ADAMTS14: variants seen among roughly 807,000 people sequenced by gnomAD.
ADAMTS14 encodes the protein A disintegrin and metalloproteinase with thrombospondin motifs 14.
A neutral mutation model predicts 128.6 loss-of-function variants in ADAMTS14; 100 were observed. The ratio of observed to expected loss-of-function variants is 0.78; its 90% CI spans 0.66 to 0.92. The LOEUF is 0.92. ADAMTS14 is among the 40% of genes least tolerant of loss of function. ADAMTS14 has a pLI of 0.00. For synonymous variants in ADAMTS14, 665 were observed against 653.8 expected, an observed-to-expected ratio of 1.02 and a Z score of -0.26; for missense variants, 1,562 against 1,658.6, an observed-to-expected ratio of 0.94 and a Z score of 1.01.
chr10:70,692,204 G>A (rs1310647225), intron 2 of ADAMTS14, among the ~76,000 whole-genome samples: 2 of 152,134 alleles, frequency 1.3e-5, no homozygotes, highest in South Asian at 2.1e-4. Flanking sequence ...GTTGCCTCCT[G>A]GAAAGCCTAC....
chr10:70,744,218 C>G (rs372817361), intron 14 of ADAMTS14, 29 bp downstream of exon 14: 1 of 1,490,648 alleles, frequency 6.7e-7, no homozygotes, highest in Non-Finnish European at 9.0e-7. Flanking sequence ...GGGGGGATGA[C>G]GAGGGCTGAC....
intron 21 of ADAMTS14, 109 bp downstream of exon 21, chr10:70,758,394 A>G: frequency 1.1e-6 from 1 of 943,538 alleles, no homozygotes; most frequent in Non-Finnish European, 1.6e-6. Context: ...TGTCTGTGTG[A>G]CCTTCACCTC....
chr10:70,695,038 G>A (rs1177250821), intron 2 of ADAMTS14, among the ~76,000 whole-genome samples: 1 of 152,072 alleles, frequency 6.6e-6, no homozygotes, highest in Non-Finnish European at 1.5e-5. Flanking sequence ...AACCAACACT[G>A]GTTATCTGAC....
intron 9 of ADAMTS14, 22 bp downstream of exon 9, chr10:70,735,323 G>T (rs201655502): frequency 8.1e-6 from 13 of 1,612,118 alleles, no homozygotes; most frequent in Non-Finnish European, 1.1e-5. Context: ...TCTGGCCTCT[G>T]CCAGGTGGTT....
At chr10:70,727,325 C>T (rs1249799398) in intron 4 of ADAMTS14, among the ~76,000 whole-genome samples, 1 of 152,208 alleles carries the variant, frequency 6.6e-6, no homozygotes, top group Non-Finnish European at 1.5e-5. Context: ...TGCTATTACT[C>T]TTCTCCGTGT....
At chr10:70,738,399 A>G (rs1051936268) in intron 10 of ADAMTS14, among the ~76,000 whole-genome samples, 1 of 151,860 alleles carries the variant, frequency 6.6e-6, no homozygotes, top group East Asian at 1.9e-4. Context: ...GCATGCACAG[A>G]CCTCCCTGCA....
chr10:70,689,198 C>T lies in ADAMTS14; in HGVS notation c.523-13114C>T, dbSNP rs536293878. On this transcript the variant is annotated intron_variant, in intron 2 of 21. Coordinates refer to ENST00000373207, the MANE Select transcript of ADAMTS14 (RefSeq NM_080722.4). ...GTAAAATATGCCGTCCCCTAATCCA[C>T]GGCCACAGTTTTGGGGAAGCGGATC... 4.2e-5 allele frequency among the ~76,000 whole-genome samples: 6 copies of T among 144,438 alleles called. No homozygotes were observed. In the East Asian group the frequency reaches 5.9e-4, roughly 14 times the overall value. The allele number at this position is 144,438 out of a possible 152,430, so 94.8% of individuals were successfully genotyped here.
intron 19 of ADAMTS14, among the ~76,000 whole-genome samples, chr10:70,756,378 T>C (rs924482609): frequency 6.6e-6 from 1 of 152,214 alleles, no homozygotes; most frequent in Non-Finnish European, 1.5e-5. Context: ...TTTGTTTTGA[T>C]ATAAAACAGA....
intron 2 of ADAMTS14, among the ~76,000 whole-genome samples, chr10:70,698,332 C>T (rs376586250): frequency 4.8e-4 from 73 of 152,096 alleles, no homozygotes; most frequent in Admixed American, 2.9e-3. Context: ...AATTGAGAGA[C>T]GGGAGTACTT....
In ADAMTS14 at chr10:70,761,551, G is replaced by C. The variant is rs1204193261; in HGVS notation, c.*698G>C. On this transcript the variant is annotated 3_prime_UTR_variant, in exon 22 of 22. Coordinates refer to ENST00000373207, the MANE Select transcript of ADAMTS14 (RefSeq NM_080722.4). ...AGATGTCACTAGTGTTACTTCTAGT[G>C]ACTCCAGATTACAGACTGGCCCCCC... 1.3e-5 allele frequency: 2 copies of C among 152,186 alleles called. No individual in the cohort carries two copies. The highest frequency in any genetic ancestry group is 2.9e-5 in the Non-Finnish European group (2 of 68,048). 9.4% of individuals were successfully genotyped at this position (152,186 alleles called of 1,614,324 possible).
chr10:70,758,937 C>T (rs1481798203), intron 21 of ADAMTS14, among the ~76,000 whole-genome samples: 2 of 152,154 alleles, frequency 1.3e-5, no homozygotes, highest in Non-Finnish European at 2.9e-5. Flanking sequence ...TAGGTTCCAT[C>T]TCTCTTTTCC....
intron 2 of ADAMTS14, among the ~76,000 whole-genome samples, chr10:70,691,473 G>T (rs1840183442): frequency 9.1e-6 from 1 of 109,634 alleles, no homozygotes. Flanking sequence ...CCTGGGGACA[G>T]AGTGAGACCC....
intron 4 of ADAMTS14, among the ~76,000 whole-genome samples, chr10:70,722,050 G>A (rs1212942038): frequency 6.6e-6 from 1 of 152,210 alleles, no homozygotes; most frequent in Non-Finnish European, 1.5e-5. Flanking sequence ...CGAAGGCTGT[G>A]GTTGTGAAGC....
intron 2 of ADAMTS14, among the ~76,000 whole-genome samples, chr10:70,675,662 A>ATT (rs1839624560): frequency 6.6e-6 from 1 of 152,106 alleles, no homozygotes; most frequent in African/African-American, 2.4e-5. Context: ...AATGCTTCCC[A>ATT]GAGTCTGGGA....
chr10:70,727,639 T>A (rs188581500), intron 4 of ADAMTS14, among the ~76,000 whole-genome samples: 1 of 149,872 alleles, frequency 6.7e-6, no homozygotes, highest in Non-Finnish European at 1.5e-5. Flanking sequence ...TCCCTGACCA[T>A]GCTGGTGGCA....
At chr10:70,742,649 T>C (rs1001498985) in intron 12 of ADAMTS14, among the ~76,000 whole-genome samples, 2 of 152,170 alleles carry the variant, frequency 1.3e-5, no homozygotes, top group African/African-American at 4.8e-5. Flanking sequence ...AGCCACAGCG[T>C]TGGGGAGAGG....
chr10:70,689,957 C>A (rs981177107), intron 2 of ADAMTS14, among the ~76,000 whole-genome samples: 1 of 144,908 alleles, frequency 6.9e-6, no homozygotes, highest in Non-Finnish European at 1.6e-5. Context: ...CTCTCTTCTC[C>A]ATGGCTCCTT....
intron 4 of ADAMTS14, 40 bp downstream of exon 4, chr10:70,708,818 TG>T: frequency 2.6e-6 from 1 of 383,252 alleles, no homozygotes. Flanking sequence ...GGGAGTGGGG[TG>T]GGGTGGGCCC....
intron 3 of ADAMTS14, among the ~76,000 whole-genome samples, chr10:70,706,662 G>A (rs991565386): frequency 6.6e-6 from 1 of 152,232 alleles, no homozygotes; most frequent in African/African-American, 2.4e-5. Context: ...TCACCAGGCT[G>A]TGTGTCCACC....
Sources: allele counts gnomAD v4.1 joint callset (sites outside exome capture counted in the v4.1 genomes callset), GRCh38; gene constraint gnomAD v4.1.1; transcripts MANE v1.5; gene names NCBI Gene and HGNC (gene_info 2026-07-23, HGNC 2026-07-21).